PRKG1: variants seen among roughly 807,000 people sequenced by gnomAD.
PRKG1 encodes the protein cGMP-dependent protein kinase 1.
A neutral mutation model predicts 88.1 loss-of-function variants in PRKG1; 35 were observed. That is an observed-to-expected ratio of 0.40 (90% confidence interval 0.30 to 0.53). PRKG1 has a LOEUF of 0.53. Among genes scored for constraint, PRKG1 ranks in the 20% least tolerant of loss-of-function variants. PRKG1 has a pLI of 0.59. For missense variants in PRKG1, 540 were observed against 839.8 expected, an observed-to-expected ratio of 0.64 and a Z score of 4.41; for synonymous variants, 303 against 292.5, an observed-to-expected ratio of 1.04 and a Z score of -0.37.
At chr10:51,780,514 T>C (rs144876320) in intron 3 of PRKG1, among the ~76,000 whole-genome samples, 333 of 152,294 alleles carry the variant, frequency 2.2e-3, no homozygotes, top group Non-Finnish European at 3.2e-3. Flanking sequence ...CTCATGTACA[T>C]GATCAAGCAA....
chr10:52,095,072 G>A (rs973693622), intron 7 of PRKG1, among the ~76,000 whole-genome samples: 15 of 152,070 alleles, frequency 9.9e-5, no homozygotes, highest in Admixed American at 7.9e-4. Flanking sequence ...TAAGCCACCT[G>A]CCAGGCCCCA....
chr10:51,546,056 ATTTT>A (rs34133066), intron 3 of PRKG1, among the ~76,000 whole-genome samples: 1 of 145,896 alleles, frequency 6.9e-6, no homozygotes. Context: ...ATCTACAGGT[ATTTT>A]TTTTTTTTTG....
Position 51,177,657 on chromosome 10 carries a change from A to T in PRKG1, c.478+24327A>T, listed in dbSNP as rs968239003. On this transcript the variant is annotated intron_variant, in intron 2 of 17. Transcript: ENST00000373980. ...TGTGAATTATTGTTATTCCAACTCT[A>T]TGGAAATGGAATATCATATACAATG... Among the ~76,000 whole-genome samples, 3 of 152,278 alleles carry T rather than the reference A, an allele frequency of 2.0e-5. No individual in the cohort carries two copies. In the East Asian group the frequency reaches 5.8e-4, roughly 29 times the overall value.
intron 4 of PRKG1, among the ~76,000 whole-genome samples, chr10:51,821,356 T>C (rs1839740316): frequency 1.3e-5 from 2 of 152,106 alleles, no homozygotes; most frequent in South Asian, 2.1e-4. Flanking sequence ...TTCTCTTAAG[T>C]ATATACCTGA....
chr10:52,067,921 G>GACTTGAAACCATATGGAATACATATAAAC (rs1589575435), intron 7 of PRKG1, among the ~76,000 whole-genome samples: 6 of 147,358 alleles, frequency 4.1e-5, no homozygotes, highest in South Asian at 2.2e-4. Flanking sequence ...ATCCCTACTT[G>GACTTGAAACCATATGGAATACATATAAAC]AGGCCGGGCG....
chr10:52,195,150 A>C (rs891948566), intron 9 of PRKG1, among the ~76,000 whole-genome samples: 2 of 152,182 alleles, frequency 1.3e-5, no homozygotes, highest in Non-Finnish European at 2.9e-5. Context: ...GAAAATGGAA[A>C]GAGAGATGTA....
chr10:51,326,535 A>G (rs1432538989), intron 2 of PRKG1, among the ~76,000 whole-genome samples: 1 of 152,242 alleles, frequency 6.6e-6, no homozygotes, highest in Non-Finnish European at 1.5e-5. Flanking sequence ...TGGATAAAAT[A>G]CCCAAGTAAT....
chr10:51,691,215 G>T (rs1438414906), intron 3 of PRKG1, among the ~76,000 whole-genome samples: 1 of 148,924 alleles, frequency 6.7e-6, no homozygotes, highest in Non-Finnish European at 1.5e-5. Flanking sequence ...CAAGATTTTT[G>T]TTTTTGTTTG....
chr10:51,447,821 A>T (rs963767428), intron 2 of PRKG1, among the ~76,000 whole-genome samples: 8 of 152,072 alleles, frequency 5.3e-5, no homozygotes, highest in Non-Finnish European at 8.8e-5. Context: ...GCCTGGGTGG[A>T]ATTGCAAAAG....
intron 3 of PRKG1, among the ~76,000 whole-genome samples, chr10:51,593,832 C>T (rs894345250): frequency 6.6e-6 from 1 of 151,952 alleles, no homozygotes; most frequent in African/African-American, 2.4e-5. Flanking sequence ...TCAAGTGATT[C>T]TCCTGCCTCA....
intron 5 of PRKG1, among the ~76,000 whole-genome samples, chr10:52,043,661 A>G (rs1490892520): frequency 6.6e-6 from 1 of 151,980 alleles, no homozygotes; most frequent in East Asian, 1.9e-4. Flanking sequence ...AATAATATAT[A>G]TTTCAAAATA....
At chr10:51,899,891 G>A (rs1589402908) in intron 4 of PRKG1, among the ~76,000 whole-genome samples, 2 of 151,876 alleles carry the variant, frequency 1.3e-5, no homozygotes, top group East Asian at 3.9e-4. Flanking sequence ...TTGGTGATGA[G>A]TGAGTTCTCA....
chr10:52,043,655 A>G (rs1447700797), intron 5 of PRKG1, among the ~76,000 whole-genome samples: 2 of 152,104 alleles, frequency 1.3e-5, no homozygotes, highest in Non-Finnish European at 2.9e-5. Context: ...GGTAAAAATA[A>G]TATATATTTC....
At chr10:51,880,937 C>T (rs1841420722) in intron 4 of PRKG1, among the ~76,000 whole-genome samples, 1 of 151,288 alleles carries the variant, frequency 6.6e-6, no homozygotes, top group African/African-American at 2.4e-5. Context: ...AAATAACTAC[C>T]CAAGTAATTA....
intron 16 of PRKG1, among the ~76,000 whole-genome samples, chr10:52,289,326 T>A (rs1842189322): frequency 6.6e-6 from 1 of 152,150 alleles, no homozygotes; most frequent in South Asian, 2.1e-4. Context: ...AGTCCCCTAC[T>A]GTATCTTACC....
At chr10:51,548,308 T>C (rs1246762344) in intron 3 of PRKG1, among the ~76,000 whole-genome samples, 1 of 152,108 alleles carries the variant, frequency 6.6e-6, no homozygotes, top group African/African-American at 2.4e-5. Flanking sequence ...GAGCCCATCA[T>C]TTTAAAAAAC....
chr10:51,118,025 G>A (rs1289968007), intron 1 of PRKG1, among the ~76,000 whole-genome samples: 1 of 152,300 alleles, frequency 6.6e-6, no homozygotes, highest in African/African-American at 2.4e-5. Context: ...TCTCAGTGAT[G>A]ACTTGCAGAT....
chr10:51,066,351 TG>T (rs1843749125), intron 1 of PRKG1, among the ~76,000 whole-genome samples: 1 of 152,052 alleles, frequency 6.6e-6, no homozygotes, highest in South Asian at 2.1e-4. Context: ...GCACCAAATT[TG>T]TTATATGTTC....
intron 6 of PRKG1, 118 bp from the exon 7 acceptor site, chr10:52,062,419 C>T (rs1430003376): frequency 8.3e-6 from 5 of 604,488 alleles, no homozygotes; most frequent in African/African-American, 7.6e-5. Context: ...AATTTAAATG[C>T]TTTTTCTTTA....
Sources: gnomAD v4.1 joint callset for allele counts (sites outside exome capture counted in the v4.1 genomes callset) on GRCh38, gnomAD v4.1.1 for gene constraint, MANE v1.5 for transcripts, NCBI Gene and HGNC (gene_info 2026-07-23, HGNC 2026-07-21) for gene names.